The following ADGRD1 variants were observed in gnomAD, a reference collection of about 807,000 sequenced individuals.
ADGRD1 encodes the protein G-protein coupled receptor 133.
ADGRD1 carries 77 observed loss-of-function variants against 113.4 expected under a neutral mutation model. The ratio of observed to expected loss-of-function variants is 0.68; its 90% confidence interval spans 0.57 to 0.82. The LOEUF (loss-of-function observed/expected upper bound fraction) is 0.82, where lower values mean the gene tolerates loss of function less well. Among genes scored for constraint, ADGRD1 ranks in the 40% least tolerant of loss-of-function variants. ADGRD1 has a pLI of 0.00. For synonymous variants in ADGRD1, 474 were observed against 475.0 expected, an observed-to-expected ratio of 1.00 and a Z score of 0.03; for missense variants, 1,036 against 1,139.1, an observed-to-expected ratio of 0.91 and a Z score of 1.30.
At chr12:131,116,645 T>TGCTCTTC (rs1950471212) in intron 18 of ADGRD1, among the ~76,000 whole-genome samples, 1 of 151,988 alleles carries the variant, frequency 6.6e-6, no homozygotes, top group Admixed American at 6.5e-5. Context: ...GAGAGCCACA[T>TGCTCTTC]GCTCTTCGTG....
chr12:130,993,968 C>G lies in ADGRD1; in HGVS notation c.966+1576C>G, dbSNP rs995620315. The G allele has an allele frequency of 2.5e-5, 4 of 162,412 alleles. No individual in the cohort carries two copies. In the East Asian group the frequency reaches 6.8e-4, roughly 28 times the overall value. 10.1% of individuals were successfully genotyped at this position (162,412 alleles called of 1,614,324 possible). ...GACTCCCTCCTCGTCAGGGGGAAAT[C>G]TTTCCCATGGTTCCCTTTGCTGAGA... On this transcript the variant is annotated intron_variant, in intron 8 of 24. Coordinates refer to ENST00000261654, the MANE Select transcript of ADGRD1 (RefSeq NM_198827.5).
intron 2 of ADGRD1, chr12:130,963,137 A>C (rs192362551): frequency 1.3e-5 from 2 of 152,008 alleles, no homozygotes; most frequent in Non-Finnish European, 2.9e-5. Context: ...TGGCTAACAC[A>C]GTGAAACCCC....
intron 19 of ADGRD1, 138 bp downstream of exon 19, chr12:131,118,589 G>T (rs1260849075): frequency 3.4e-6 from 2 of 588,414 alleles, no homozygotes; most frequent in Non-Finnish European, 6.0e-6. Flanking sequence ...GGCCCAGCCG[G>T]TGAGAAAGTC....
At chr12:131,131,654 C>A in intron 20 of ADGRD1, 71 bp from the exon 21 acceptor site, 1 of 1,092,868 alleles carries the variant, frequency 9.2e-7, no homozygotes, top group Non-Finnish European at 1.4e-6. Flanking sequence ...AGGGCAGTGG[C>A]CAGGCGGACG....
At chr12:130,992,667 G>A (rs1874579823) in intron 8 of ADGRD1, among the ~76,000 whole-genome samples, 1 of 152,184 alleles carries the variant, frequency 6.6e-6, no homozygotes, top group South Asian at 2.1e-4. Context: ...CCTGGCCCCC[G>A]CGGGCGTGTG....
chr12:131,058,586 C>T (rs1045936596), intron 13 of ADGRD1, among the ~76,000 whole-genome samples: 4 of 151,976 alleles, frequency 2.6e-5, no homozygotes, highest in Admixed American at 2.6e-4. Flanking sequence ...CTCTGTTTTC[C>T]TTTGAGAACG....
intron 4 of ADGRD1, among the ~76,000 whole-genome samples, chr12:130,981,648 T>A (rs78971364): frequency 0.02 from 3,040 of 152,298 alleles, 47 homozygotes; most frequent in African/African-American, 0.042. Context: ...ATTTTTGTAC[T>A]TTTTAAAAGG....
Position 131,060,398 on chromosome 12 carries a change from G to A in ADGRD1, c.1474-16403G>A, listed in dbSNP as rs1884219827. On this transcript the variant is annotated intron_variant, in intron 13 of 24. Coordinates refer to ENST00000261654, the MANE Select transcript of ADGRD1 (RefSeq NM_198827.5). The surrounding 1 kb of genome is among the most constrained non-coding windows in gnomAD (Gnocchi z 4.4). ...ACATATCAGATCAAATAGCTCAGGA[G>A]GCAAATAATCCACGCAGGCAGCGAC... Among the ~76,000 whole-genome samples the A allele has an allele frequency of 6.6e-6, 1 of 152,228 alleles. No homozygotes were observed. Among genetic ancestry groups the A allele is most frequent in the Non-Finnish European group, 1.5e-5 (1 of 68,030 alleles).
intron 13 of ADGRD1, among the ~76,000 whole-genome samples, chr12:131,032,045 T>C (rs556217552): frequency 8.5e-5 from 13 of 152,282 alleles, no homozygotes; most frequent in Admixed American, 5.9e-4. Context: ...GCCCCACAGA[T>C]AGAGGGGGTG....
At chr12:130,996,371 C>T (rs113696523) in intron 8 of ADGRD1, among the ~76,000 whole-genome samples, 3 of 127,726 alleles carry the variant, frequency 2.3e-5, no homozygotes, top group African/African-American at 5.8e-5. Flanking sequence ...AGGCGCCCCT[C>T]ACCTCCTGGA....
intron 13 of ADGRD1, among the ~76,000 whole-genome samples, chr12:131,049,424 G>C (rs935008807): frequency 1.3e-5 from 2 of 152,190 alleles, no homozygotes; most frequent in Non-Finnish European, 2.9e-5. Flanking sequence ...ACGTCTTTTC[G>C]ATCTCCATGC....
intron 20 of ADGRD1, among the ~76,000 whole-genome samples, chr12:131,127,403 G>A (rs960854740): frequency 6.6e-6 from 1 of 152,258 alleles, no homozygotes; most frequent in African/African-American, 2.4e-5. Flanking sequence ...GAGGTCCGGG[G>A]CAGAACCACG....
chr12:131,052,702 T>C (rs952986711), intron 13 of ADGRD1, among the ~76,000 whole-genome samples: 10 of 152,118 alleles, frequency 6.6e-5, no homozygotes, highest in African/African-American at 2.2e-4. Flanking sequence ...TGGACAGAAG[T>C]GTGAGTAGCT....
chr12:131,056,123 T>C (rs1489888082), intron 13 of ADGRD1, among the ~76,000 whole-genome samples: 6 of 152,142 alleles, frequency 3.9e-5, no homozygotes, highest in Non-Finnish European at 7.4e-5. Context: ...ATATTGAGAG[T>C]CCTGTTTTGT....
rs765606891 is a variant in ADGRD1, at chr12:130,971,471, G to T, written c.201G>T (p.Gly67=). The change falls in exon 4 of 25, where the codon GGG becomes GGT. Residue 67 remains glycine, a synonymous_variant. Transcript: ENST00000261654. This position sits in a 1 kb window ranked among gnomAD's most constrained non-coding sequence, Gnocchi z 4.2. The part of the protein sequence containing the change: ...LQDTTGDIVE[G]KVNKGIYLKE... ...TTTCTTCCTTAGATATTGTGGAAGG[G>T]AAGGTCAACAAAGGCATTTACCTGA... 1.4e-5 allele frequency: 23 copies of T among 1,613,252 alleles called. No individual in the cohort carries two copies. The East Asian group carries it at 4.9e-4, about 34-fold the overall frequency.
At chr12:131,040,540 C>T (rs1882016657) in intron 13 of ADGRD1, among the ~76,000 whole-genome samples, 2 of 152,252 alleles carry the variant, frequency 1.3e-5, no homozygotes, top group South Asian at 2.1e-4. Flanking sequence ...CTAGGATCGT[C>T]CTGTGAGCAC....
At chr12:131,102,288 G>A (rs1240498061) in intron 15 of ADGRD1, among the ~76,000 whole-genome samples, 3 of 152,188 alleles carry the variant, frequency 2.0e-5, no homozygotes, top group African/African-American at 2.4e-5. Flanking sequence ...TTGGCCCGTC[G>A]GTCTGCAGGT....
chr12:130,983,551 A>G (rs1389219581), intron 5 of ADGRD1, among the ~76,000 whole-genome samples: 1 of 152,182 alleles, frequency 6.6e-6, no homozygotes, highest in East Asian at 1.9e-4. Flanking sequence ...AAGGTAAAGT[A>G]TGCTCAACTC....
intron 21 of ADGRD1, among the ~76,000 whole-genome samples, chr12:131,134,257 G>A (rs1951013422): frequency 6.6e-6 from 1 of 152,188 alleles, no homozygotes; most frequent in Non-Finnish European, 1.5e-5. Flanking sequence ...GGAGCAGAAG[G>A]GGGTCATAGA....
Sources: allele counts gnomAD v4.1 joint callset (sites outside exome capture counted in the v4.1 genomes callset), GRCh38; gene constraint gnomAD v4.1.1; non-coding constraint Gnocchi (gnomAD v3.1); transcripts MANE v1.5; gene names NCBI Gene and HGNC (gene_info 2026-07-23, HGNC 2026-07-21).